NRXN3: variants seen among roughly 807,000 people sequenced by gnomAD.
NRXN3 encodes the protein neurexin 3.
In NRXN3, 32 loss-of-function variants were observed where a neutral mutation model predicts 137.6. The ratio of observed to expected loss-of-function variants is 0.23; its 90% CI spans 0.18 to 0.31. NRXN3 has a LOEUF of 0.31. Ranked by LOEUF, NRXN3 falls within the 10% of genes least tolerant of loss-of-function variation. The probability of loss-of-function intolerance (pLI) is 1.00; values close to 1 mark genes in which losing one functional copy is unlikely to be tolerated. For synonymous variants in NRXN3, 798 were observed against 784.5 expected (o/e 1.02, Z -0.29); for missense variants, 1,574 against 2,062.5 (o/e 0.76, Z 4.59).
chr14:79,264,459 T>C (rs1240497468), intron 15 of NRXN3, among the ~76,000 whole-genome samples: 1 of 152,032 alleles, frequency 6.6e-6, no homozygotes, highest in Non-Finnish European at 1.5e-5. Context: ...CAAAGTTAGG[T>C]TTCTTCTGAG....
At chr14:78,597,928 T>A (rs1203542180) in intron 4 of NRXN3, among the ~76,000 whole-genome samples, 1 of 152,096 alleles carries the variant, frequency 6.6e-6, no homozygotes, top group African/African-American at 2.4e-5. Flanking sequence ...GAAGGGTGGG[T>A]TACAGCTGCC....
At chr14:79,431,861 T>C (rs2095761382) in intron 15 of NRXN3, among the ~76,000 whole-genome samples, 1 of 152,196 alleles carries the variant, frequency 6.6e-6, no homozygotes, top group African/African-American at 2.4e-5. Flanking sequence ...CTGAAATGTA[T>C]CTATCTTTTT....
intron 17 of NRXN3, among the ~76,000 whole-genome samples, chr14:79,665,151 T>A (rs1309457992): frequency 6.6e-6 from 1 of 152,176 alleles, no homozygotes; most frequent in Non-Finnish European, 1.5e-5. Flanking sequence ...CTATCAGAAG[T>A]ATCTGCGCTG....
Position 78,714,878 on chromosome 14 carries a change from C to A in NRXN3, c.1783C>A (p.Pro595Thr), listed in dbSNP as rs781515992. Residue 595 changes from proline (P) to threonine (T), a missense_variant, in exon 8 of 21, where the codon CCC becomes ACC. This residue lies in a region of NRXN3 where 718 missense variants were observed against 887.6 expected (regional missense o/e 0.81). Transcript: ENST00000335750. ...LPENRAGLIL[P>T]TELWTAMLNY... The stretch of plus-strand genomic sequence containing the variant: ...GGAGAACCGTGCTGGCCTTATTCTC[C>A]CCACCGAGCTGTGGACTGCCATGCT... The A allele has an allele frequency of 6.2e-7, 1 of 1,614,128 alleles. No homozygotes were observed. The highest frequency in any genetic ancestry group is 2.2e-5 in the East Asian group (1 of 44,856).
chr14:78,853,203 G>T (rs1422307407), intron 10 of NRXN3, among the ~76,000 whole-genome samples: 1 of 152,084 alleles, frequency 6.6e-6, no homozygotes, highest in African/African-American at 2.4e-5. Flanking sequence ...ATCTCCTAAT[G>T]CTATCCCTCA....
intron 16 of NRXN3, among the ~76,000 whole-genome samples, chr14:79,515,942 G>A (rs902089651): frequency 2.0e-5 from 3 of 152,128 alleles, no homozygotes; most frequent in Non-Finnish European, 2.9e-5. Context: ...CTCAAAGCAC[G>A]CATTTGGGCT....
intron 1 of NRXN3, among the ~76,000 whole-genome samples, chr14:78,173,526 T>C (rs1375269851): frequency 1.3e-5 from 2 of 150,616 alleles, no homozygotes; most frequent in Non-Finnish European, 3.0e-5. Flanking sequence ...TGTGTGAAAT[T>C]TTTTCATCCC....
intron 20 of NRXN3, among the ~76,000 whole-genome samples, chr14:79,856,559 T>C (rs367669754): frequency 1.3e-5 from 2 of 151,904 alleles, no homozygotes; most frequent in South Asian, 2.1e-4. Context: ...TCGTGAACTC[T>C]CAAAACCCAA....
chr14:79,340,757 C>G (rs1280634726), intron 15 of NRXN3, among the ~76,000 whole-genome samples: 1 of 152,240 alleles, frequency 6.6e-6, no homozygotes, highest in East Asian at 1.9e-4. Context: ...AGCCACCGCG[C>G]CTGGCCTGAC....
At chr14:78,781,219 A>C (rs1331006097) in intron 8 of NRXN3, among the ~76,000 whole-genome samples, 1 of 152,144 alleles carries the variant, frequency 6.6e-6, no homozygotes, top group Non-Finnish European at 1.5e-5. Flanking sequence ...AATAATCCAA[A>C]ATATTTCATG....
intron 1 of NRXN3, among the ~76,000 whole-genome samples, chr14:78,201,976 T>C (rs2061725688): frequency 6.6e-6 from 1 of 152,194 alleles, no homozygotes; most frequent in South Asian, 2.1e-4. Flanking sequence ...ACCAAGGCCA[T>C]TGAATCTAAG....
intron 15 of NRXN3, chr14:79,281,812 A>AT (rs1350698843): frequency 6.6e-6 from 1 of 152,166 alleles, no homozygotes; most frequent in Admixed American, 6.5e-5. Context: ...CTGCCCTTGT[A>AT]TTTTGAAGAC....
At chr14:78,986,618 A>T (rs2099506080) in intron 14 of NRXN3, among the ~76,000 whole-genome samples, 1 of 152,182 alleles carries the variant, frequency 6.6e-6, no homozygotes, top group South Asian at 2.1e-4. Context: ...GACACACAGA[A>T]ATAGAAATAA....
intron 20 of NRXN3, among the ~76,000 whole-genome samples, chr14:79,846,685 ACT>A (rs1388529301): frequency 1.3e-5 from 2 of 152,126 alleles, no homozygotes; most frequent in African/African-American, 4.8e-5. Flanking sequence ...TTGTGACCCT[ACT>A]GTACCCTACG....
rs1439365283 is a variant in NRXN3, at chr14:78,709,450, C to T, written c.1455C>T (p.Leu485=). ...CCACAGAGCCCAATGGCCTGATCCT[C>T]TTCACTCATGGAAAGCCCCAAGAGA... is the stretch of plus-strand genomic sequence containing the variant. ...FRTTEPNGLI[L]FTHGKPQERK... The change falls in exon 7 of 21, where the codon CTC becomes CTT. Residue 485 remains leucine, a synonymous_variant. Transcript: ENST00000335750. The T allele has an allele frequency of 1.9e-6, 3 of 1,614,160 alleles. No individual in the cohort carries two copies. In the Admixed American group the frequency reaches 5.0e-5, roughly 27 times the overall value.
At chr14:78,287,591 A>C (rs1398728282) in intron 3 of NRXN3, among the ~76,000 whole-genome samples, 5 of 152,184 alleles carry the variant, frequency 3.3e-5, no homozygotes, top group African/African-American at 1.2e-4. Context: ...TTCAGAGATG[A>C]GCAACTCATT....
chr14:79,361,452 C>T (rs2093677922), intron 15 of NRXN3, among the ~76,000 whole-genome samples: 1 of 152,190 alleles, frequency 6.6e-6, no homozygotes, highest in Non-Finnish European at 1.5e-5. Flanking sequence ...TGCGGTGGCT[C>T]ATGCCTGTAA....
chr14:79,257,708 A>G (rs1270975163), intron 15 of NRXN3, among the ~76,000 whole-genome samples: 1 of 151,256 alleles, frequency 6.6e-6, no homozygotes, highest in Non-Finnish European at 1.5e-5. Context: ...AGTAAGACAA[A>G]TTAGACCAGA....
At chr14:79,847,789 C>A (rs2099383130) in intron 20 of NRXN3, among the ~76,000 whole-genome samples, 3 of 151,804 alleles carry the variant, frequency 2.0e-5, no homozygotes, top group Admixed American at 6.6e-5. Context: ...AACAGAGGGT[C>A]AAGGTAGTAT....
Sources: allele counts gnomAD v4.1 joint callset (sites outside exome capture counted in the v4.1 genomes callset), GRCh38; gene constraint gnomAD v4.1.1; regional missense constraint gnomAD v4.1.1; transcripts MANE v1.5; gene names NCBI Gene and HGNC (gene_info 2026-07-23, HGNC 2026-07-21).